USH2A: variants seen among roughly 807,000 people sequenced by gnomAD.
USH2A encodes Usher syndrome 2A (autosomal recessive, mild).
USH2A carries 443 observed loss-of-function variants against 538.9 expected under a neutral mutation model. That is an observed-to-expected ratio of 0.82 (90% CI 0.76 to 0.89). The LOEUF is 0.89. Among genes scored for constraint, USH2A ranks in the 40% least tolerant of loss-of-function variants. The pLI is 0.00. For synonymous variants in USH2A, 2,413 were observed against 2,273.5 expected (o/e 1.06, Z -1.75); for missense variants, 6,633 against 6,324.8 (o/e 1.05, Z -1.65).
intron 60 of USH2A, among the ~76,000 whole-genome samples, chr1:215,731,164 TAA>T (rs1187013137): frequency 6.6e-6 from 1 of 152,176 alleles, no homozygotes; most frequent in Non-Finnish European, 1.5e-5. Flanking sequence ...AAAATTTGCC[TAA>T]AAGTGGGGTT....
chr1:215,940,224 A>T (rs1220304225), intron 37 of USH2A, among the ~76,000 whole-genome samples: 1 of 152,076 alleles, frequency 6.6e-6, no homozygotes, highest in Non-Finnish European at 1.5e-5. Flanking sequence ...CTGTACAAAG[A>T]AATACTATAT....
chr1:216,381,209 A>G (rs1014029321), intron 3 of USH2A, among the ~76,000 whole-genome samples: 1 of 152,144 alleles, frequency 6.6e-6, no homozygotes, highest in African/African-American at 2.4e-5. Context: ...AGCTAGAAGC[A>G]ACTGAATAAG....
At chr1:215,970,223 C>T (rs958160119) in intron 36 of USH2A, among the ~76,000 whole-genome samples, 1 of 152,068 alleles carries the variant, frequency 6.6e-6, no homozygotes, top group African/African-American at 2.4e-5. Flanking sequence ...TTTTGGGGAG[C>T]AGTGTTGCCA....
intron 3 of USH2A, among the ~76,000 whole-genome samples, chr1:216,399,474 T>C (rs894314851): frequency 6.6e-6 from 1 of 152,060 alleles, no homozygotes; most frequent in African/African-American, 2.4e-5. Context: ...TTTCCCTTTC[T>C]TGTGAATTGG....
rs1662092347 is a variant in USH2A, at chr1:215,795,230, G to C, written c.9958+3677C>G. On this transcript the variant is annotated intron_variant, in intron 50 of 71. Transcript: ENST00000307340. ...CACACGCTATTATTTGTGTTTTGCA[G>C]ATTGCTAATTTCACAGTTTAGCTCA... Among the ~76,000 whole-genome samples the C allele has an allele frequency of 3.3e-5, 5 of 152,120 alleles. No homozygotes were observed. The South Asian group carries it at 1.0e-3, about 32-fold the overall frequency.
chr1:216,085,510 C>T (rs1048451670), intron 24 of USH2A, among the ~76,000 whole-genome samples: 1 of 151,990 alleles, frequency 6.6e-6, no homozygotes, highest in Non-Finnish European at 1.5e-5. Flanking sequence ...TTTCACACAG[C>T]CACCTCCTTT....
At chr1:216,095,251 T>C (rs1295684025) in intron 22 of USH2A, among the ~76,000 whole-genome samples, 7 of 152,178 alleles carry the variant, frequency 4.6e-5, no homozygotes, top group Non-Finnish European at 1.0e-4. Context: ...AGTAGTAGTA[T>C]CTAACTTTCT....
intron 20 of USH2A, among the ~76,000 whole-genome samples, chr1:216,188,517 A>T (rs1490151486): frequency 6.6e-6 from 1 of 151,894 alleles, no homozygotes; most frequent in East Asian, 1.9e-4. Flanking sequence ...GTTATTGAAA[A>T]TGTTATTGGA....
intron 37 of USH2A, among the ~76,000 whole-genome samples, chr1:215,958,279 T>A (rs1667117690): frequency 2.0e-5 from 3 of 152,100 alleles, no homozygotes; most frequent in Admixed American, 1.3e-4. Flanking sequence ...TTTTCAAGAT[T>A]TTTTAGAGAT....
intron 61 of USH2A, among the ~76,000 whole-genome samples, chr1:215,699,789 A>G (rs536553490): frequency 7.9e-5 from 12 of 152,300 alleles, no homozygotes; most frequent in African/African-American, 2.9e-4. Flanking sequence ...CTATTTGAAT[A>G]TGCTTTATTT....
chr1:215,780,113 C>T (rs1661587029), intron 54 of USH2A, 72 bp from the exon 55 acceptor site: 2 of 1,547,458 alleles, frequency 1.3e-6, no homozygotes, highest in African/African-American at 1.4e-5. Flanking sequence ...GAGAATGTCA[C>T]TTTTGTTTTA....
chr1:216,196,404 G>T, intron 19 of USH2A, 149 bp downstream of exon 19: 2 of 754,730 alleles, frequency 2.6e-6, no homozygotes, highest in Non-Finnish European at 4.3e-6. Context: ...AAAGAGGGAG[G>T]CTTGTACACA....
chr1:216,140,307 G>A (rs1026439393), intron 21 of USH2A, among the ~76,000 whole-genome samples: 8 of 152,094 alleles, frequency 5.3e-5, no homozygotes, highest in Non-Finnish European at 8.8e-5. Context: ...GCACATAGTA[G>A]ATGCTCAATA....
intron 13 of USH2A, among the ~76,000 whole-genome samples, chr1:216,244,441 T>C (rs532402434): frequency 1.3e-5 from 2 of 152,186 alleles, no homozygotes; most frequent in East Asian, 3.9e-4. Flanking sequence ...AATTAAGTGC[T>C]TTAGGGGAAT....
intron 3 of USH2A, among the ~76,000 whole-genome samples, chr1:216,404,775 T>C (rs2039364898): frequency 6.6e-6 from 1 of 152,016 alleles, no homozygotes; most frequent in Admixed American, 6.6e-5. Context: ...TGCACTCCAC[T>C]ATGCCTGGCT....
chr1:215,745,701 T>C lies in USH2A; in HGVS notation c.11390-2366A>G, dbSNP rs1660451228. Among the ~76,000 whole-genome samples the C allele has an allele frequency of 2.0e-5, 3 of 152,176 alleles. No homozygotes were observed. The South Asian group carries it at 6.2e-4, about 32-fold the overall frequency. On this transcript the variant is annotated intron_variant, in intron 58 of 71. Coordinates refer to ENST00000307340, the MANE Select transcript of USH2A (RefSeq NM_206933.4). ...TTGTTCCAGATTGCACACTGATTAA[T>C]TGGAGAAGCAAGGACTTGAACTTAG... is the stretch of plus-strand genomic sequence containing the variant.
chr1:215,993,034 G>C lies in USH2A; in HGVS notation c.6791C>G (p.Pro2264Arg), dbSNP rs1668037653. 1 of 1,613,920 alleles carries C rather than the reference G, an allele frequency of 6.2e-7. No individual in the cohort carries two copies. Among genetic ancestry groups the C allele is most frequent in the African/African-American group, 1.3e-5 (1 of 74,884 alleles). The stretch of plus-strand genomic sequence containing the variant: ...AGTTCACTTACCATTCGGATATTCA[G>C]GCTCAGTCCAGGAGACATTAAAGGA... ...PDSFNVSWTEPEYPNGVITSY... is the reference protein window; with the variant it reads ...PDSFNVSWTEREYPNGVITSY... Residue 2264 changes from proline to arginine, a missense_variant, in exon 35 of 72, where the codon CCT becomes CGT. Coordinates refer to ENST00000307340, the MANE Select transcript of USH2A (RefSeq NM_206933.4).
intron 38 of USH2A, among the ~76,000 whole-genome samples, chr1:215,916,931 T>C (rs1363677125): frequency 6.6e-6 from 1 of 152,134 alleles, no homozygotes; most frequent in East Asian, 1.9e-4. Flanking sequence ...AGTGAATTTG[T>C]TAACCAAGAA....
intron 30 of USH2A, among the ~76,000 whole-genome samples, chr1:216,061,351 G>A (rs2031173953): frequency 6.6e-6 from 1 of 151,934 alleles, no homozygotes. Context: ...CTTAATTTTT[G>A]TCATCTTATG....
Sources: allele counts gnomAD v4.1 joint callset (sites outside exome capture counted in the v4.1 genomes callset), GRCh38; gene constraint gnomAD v4.1.1; transcripts MANE v1.5; gene names NCBI Gene and HGNC (gene_info 2026-07-23, HGNC 2026-07-21).